BMPR1B: variants seen among roughly 807,000 people sequenced by gnomAD.
BMPR1B encodes bone morphogenetic protein receptor type-1B.
In BMPR1B, 12 loss-of-function variants were observed where a neutral mutation model predicts 59.1. The observed-to-expected ratio is 0.20, with a 90% CI of 0.13 to 0.33. The LOEUF (loss-of-function observed/expected upper bound fraction) is 0.33, where lower values mean the gene tolerates loss of function less well. Among genes scored for constraint, BMPR1B ranks in the 10% least tolerant of loss-of-function variants. The pLI is 1.00. For synonymous variants in BMPR1B, 237 were observed against 207.3 expected, an observed-to-expected ratio of 1.14 and a Z score of -1.23; for missense variants, 550 against 610.9, an observed-to-expected ratio of 0.90 and a Z score of 1.05.
intron 1 of BMPR1B, among the ~76,000 whole-genome samples, chr4:94,799,117 A>G (rs955370486): frequency 3.3e-5 from 5 of 149,324 alleles, no homozygotes; most frequent in African/African-American, 9.9e-5. Flanking sequence ...CCCTCATAGT[A>G]TACTTCTGGA....
intron 1 of BMPR1B, among the ~76,000 whole-genome samples, chr4:94,771,551 T>A (rs1722186495): frequency 6.6e-6 from 1 of 152,296 alleles, no homozygotes; most frequent in East Asian, 1.9e-4. Context: ...GGGTTATCAA[T>A]CATATCCTGA....
chr4:94,758,173 G>T, intron 1 of BMPR1B, 105 bp downstream of exon 1: 1 of 151,268 alleles, frequency 6.6e-6, no homozygotes, highest in South Asian at 1.8e-4. Flanking sequence ...GGGGCGGCGC[G>T]GGACGGGTAG....
At chr4:95,034,865 A>C (rs1165494739) in intron 3 of BMPR1B, among the ~76,000 whole-genome samples, 3 of 152,054 alleles carry the variant, frequency 2.0e-5, no homozygotes, top group Non-Finnish European at 4.4e-5. Context: ...AGTGTCTTCT[A>C]TAGCGGTTGT....
chr4:95,135,023 T>C (rs1027346028), intron 10 of BMPR1B, among the ~76,000 whole-genome samples: 1 of 152,244 alleles, frequency 6.6e-6, no homozygotes, highest in African/African-American at 2.4e-5. Flanking sequence ...TAATCCATCT[T>C]GAATTAATTT....
chr4:95,106,630 T>A (rs1435714840), intron 4 of BMPR1B, among the ~76,000 whole-genome samples: 5 of 151,986 alleles, frequency 3.3e-5, no homozygotes, highest in African/African-American at 9.7e-5. Flanking sequence ...CAAGTTCCAA[T>A]CTGGACATGA....
chr4:95,071,652 GTA>G (rs58148216), intron 3 of BMPR1B, among the ~76,000 whole-genome samples: 6,105 of 84,240 alleles, frequency 0.072, 245 homozygotes, highest in East Asian at 0.19. Context: ...GTGTGTGTGT[GTA>G]TATATATATA....
At position 95,131,317 on chromosome 4, in the gene BMPR1B, C is replaced by G. The variant is rs1471841789; in HGVS notation, c.881C>G (p.Thr294Ser). Residue 294 changes from threonine (T) to serine (S), a missense_variant, in exon 10 of 13, where the codon ACC becomes AGC. By Grantham distance (58) the Thr-to-Ser change is moderately conservative. Transcript: ENST00000515059. ...TCCCTTTATGATTATCTGAAGTCCA[C>G]CACCCTAGACGCTAAATCAATGCTG... is the stretch of plus-strand genomic sequence containing the variant. ...NGSLYDYLKS[T>S]TLDAKSMLKL... The G allele has an allele frequency of 1.2e-6, 2 of 1,613,922 alleles. No homozygotes were observed. Among genetic ancestry groups the G allele is most frequent in the South Asian group, 2.2e-5 (2 of 91,068 alleles).
chr4:94,811,470 T>A (rs1286950920), intron 1 of BMPR1B, among the ~76,000 whole-genome samples: 2 of 152,206 alleles, frequency 1.3e-5, no homozygotes, highest in Non-Finnish European at 2.9e-5. Context: ...GTAGTCCTGC[T>A]GTTTGCTCGA....
At chr4:94,976,027 G>C (rs1482225270) in intron 2 of BMPR1B, among the ~76,000 whole-genome samples, 1 of 152,190 alleles carries the variant, frequency 6.6e-6, no homozygotes, top group East Asian at 1.9e-4. Context: ...TTTGCTTCTG[G>C]GTTAGGGTAT....
chr4:94,812,624 C>T (rs533193754), intron 1 of BMPR1B, among the ~76,000 whole-genome samples: 22 of 152,228 alleles, frequency 1.4e-4, no homozygotes, highest in Non-Finnish European at 3.1e-4. Flanking sequence ...AAAGATAACC[C>T]TGTTAGCCCT....
chr4:94,877,478 A>T (rs983347382), intron 2 of BMPR1B, among the ~76,000 whole-genome samples: 2 of 152,202 alleles, frequency 1.3e-5, no homozygotes, highest in Non-Finnish European at 2.9e-5. Flanking sequence ...AACTGAAGTA[A>T]ATCGGAAAGC....
At chr4:94,832,069 A>G (rs1724615970) in intron 1 of BMPR1B, among the ~76,000 whole-genome samples, 1 of 149,568 alleles carries the variant, frequency 6.7e-6, no homozygotes, top group African/African-American at 2.4e-5. Context: ...TATTAATAAT[A>G]ATAAAGTGCA....
intron 3 of BMPR1B, among the ~76,000 whole-genome samples, chr4:95,011,818 A>C (rs1468527572): frequency 6.6e-6 from 1 of 152,136 alleles, no homozygotes; most frequent in East Asian, 1.9e-4. Flanking sequence ...TGGGAGTTCA[A>C]GACCAGTCTG....
At chr4:94,906,136 G>T (rs1728030712) in intron 2 of BMPR1B, among the ~76,000 whole-genome samples, 5 of 151,844 alleles carry the variant, frequency 3.3e-5, no homozygotes, top group African/African-American at 1.2e-4. Context: ...TATCTCCAAT[G>T]ACTCTACTTT....
At chr4:94,982,656 C>G (rs1207151950) in intron 2 of BMPR1B, among the ~76,000 whole-genome samples, 1 of 152,136 alleles carries the variant, frequency 6.6e-6, no homozygotes, top group African/African-American at 2.4e-5. Flanking sequence ...TTTTGGCCAC[C>G]ATCTCCTTAT....
chr4:94,856,359 T>C (rs1725754957), intron 1 of BMPR1B, among the ~76,000 whole-genome samples: 1 of 152,124 alleles, frequency 6.6e-6, no homozygotes, highest in Non-Finnish European at 1.5e-5. Flanking sequence ...TATTCTCTTC[T>C]TATGTCTTTC....
In BMPR1B at chr4:95,053,610, A is replaced by G. The variant is rs532240364; in HGVS notation, c.-17-50798A>G. On this transcript the variant is annotated intron_variant, in intron 3 of 12. Transcript: ENST00000515059. ...TTTGCTGTTGTTAGTATCATTATTAATAATTAATTTATGCAAAAATAGGAG... is the reference window on the plus strand; with the variant it reads ...TTTGCTGTTGTTAGTATCATTATTAGTAATTAATTTATGCAAAAATAGGAG... 6.0e-4 allele frequency among the ~76,000 whole-genome samples: 92 copies of G among 152,218 alleles called. 4 individuals carry two copies. The South Asian group carries it at 0.017, about 29-fold the overall frequency.
chr4:94,776,197 T>C (rs1722364349), intron 1 of BMPR1B, among the ~76,000 whole-genome samples: 1 of 152,154 alleles, frequency 6.6e-6, no homozygotes, highest in Admixed American at 6.5e-5. Context: ...TCCTCTGTAT[T>C]AAAATAATTT....
chr4:94,785,779 C>T (rs1722743858), intron 1 of BMPR1B, among the ~76,000 whole-genome samples: 1 of 152,132 alleles, frequency 6.6e-6, no homozygotes, highest in African/African-American at 2.4e-5. Flanking sequence ...GATCACCTGT[C>T]AAAGCCAGGG....
Sources: allele counts gnomAD v4.1 joint callset (sites outside exome capture counted in the v4.1 genomes callset), GRCh38; gene constraint gnomAD v4.1.1; transcripts MANE v1.5; gene names NCBI Gene and HGNC (gene_info 2026-07-23, HGNC 2026-07-21).